Variants in LRP1B observed in about 807,000 individuals in gnomAD.
LRP1B encodes the protein LDL receptor related protein 1B, also known as low-density lipoprotein receptor-related protein 1B.
In LRP1B, 217 loss-of-function variants were observed where a neutral mutation model predicts 556.6. That is an observed-to-expected ratio of 0.39 (90% confidence interval 0.35 to 0.44). The LOEUF is 0.44. Ranked by LOEUF, LRP1B falls within the 20% of genes least tolerant of loss-of-function variation. LRP1B has a pLI of 1.00. For missense variants in LRP1B, 5,053 were observed against 5,620.8 expected (o/e 0.90, Z 3.23); for synonymous variants, 2,047 against 1,865.8 (o/e 1.10, Z -2.50).
At chr2:140,384,314 C>T (rs1683666436) in intron 67 of LRP1B, among the ~76,000 whole-genome samples, 1 of 152,106 alleles carries the variant, frequency 6.6e-6, no homozygotes, top group Admixed American at 6.6e-5. Flanking sequence ...CATAAATAAG[C>T]AGAAAGTATA....
intron 3 of LRP1B, among the ~76,000 whole-genome samples, chr2:141,434,063 G>C (rs1451547109): frequency 6.6e-6 from 1 of 151,300 alleles, no homozygotes. Flanking sequence ...CTGTATGTCT[G>C]AGTGTGGTTC....
chr2:141,012,451 G>T (rs1404927604), intron 14 of LRP1B, among the ~76,000 whole-genome samples: 2 of 151,910 alleles, frequency 1.3e-5, no homozygotes, highest in East Asian at 3.9e-4. Flanking sequence ...GGGGTGCAGG[G>T]TTTATATGAA....
intron 11 of LRP1B, among the ~76,000 whole-genome samples, chr2:141,025,935 C>T (rs1043475998): frequency 1.3e-5 from 2 of 151,902 alleles, no homozygotes; most frequent in African/African-American, 2.4e-5. Flanking sequence ...ATTAAAGAAG[C>T]CCTAGAGATA....
intron 3 of LRP1B, among the ~76,000 whole-genome samples, chr2:141,471,608 C>T (rs906484867): frequency 3.9e-5 from 6 of 152,174 alleles, no homozygotes; most frequent in Admixed American, 2.6e-4. Context: ...TATCTTCTTG[C>T]ATCTTCTCAT....
chr2:142,108,216 A>G (rs1410345365), intron 1 of LRP1B, among the ~76,000 whole-genome samples: 5 of 151,962 alleles, frequency 3.3e-5, no homozygotes, highest in Non-Finnish European at 5.9e-5. Context: ...CATAAATAAT[A>G]AAGCAGACAT....
At chr2:141,712,966 C>T (rs1336627247) in intron 2 of LRP1B, among the ~76,000 whole-genome samples, 3 of 151,456 alleles carry the variant, frequency 2.0e-5, no homozygotes, top group Admixed American at 6.6e-5. Context: ...GTGTGAGCCA[C>T]GACGTCCAGC....
At chr2:140,496,359 C>A (rs1467507130) in intron 55 of LRP1B, among the ~76,000 whole-genome samples, 2 of 152,026 alleles carry the variant, frequency 1.3e-5, no homozygotes, top group Non-Finnish European at 2.9e-5. Context: ...AGTAGGAGAT[C>A]TTGTACACAC....
In LRP1B at chr2:140,627,501, ACT is replaced by A. The variant is rs1683707031; in HGVS notation, c.6800-25864_6800-25863del. On this transcript the variant is annotated intron_variant, in intron 41 of 90. Coordinates refer to ENST00000389484, the MANE Select transcript of LRP1B (RefSeq NM_018557.3). ...GACCTACACCAGTGGTTTGCCAGGG[ACT>A]CTCAGACCTTCAGCCACAGACTAAG... Among the ~76,000 whole-genome samples, 4 of 152,130 alleles carry A rather than the reference ACT, an allele frequency of 2.6e-5. No individual in the cohort carries two copies. The South Asian group carries it at 8.3e-4, about 32-fold the overall frequency.
chr2:141,956,775 T>C (rs576177222), intron 1 of LRP1B, among the ~76,000 whole-genome samples: 11 of 152,156 alleles, frequency 7.2e-5, no homozygotes, highest in African/African-American at 1.9e-4. Flanking sequence ...GGATAAAACA[T>C]AGATAAATAT....
intron 2 of LRP1B, among the ~76,000 whole-genome samples, chr2:141,503,855 A>G (rs1024805886): frequency 6.6e-6 from 1 of 152,176 alleles, no homozygotes; most frequent in African/African-American, 2.4e-5. Flanking sequence ...AAAACTTTGA[A>G]AAGAGAAACA....
intron 84 of LRP1B, among the ~76,000 whole-genome samples, chr2:140,293,823 A>T (rs1349411587): frequency 1.3e-5 from 2 of 151,840 alleles, no homozygotes; most frequent in Non-Finnish European, 2.9e-5. Context: ...TTGATCAACA[A>T]CTCCTGGGGT....
chr2:140,400,957 G>A (rs1414355846), intron 66 of LRP1B, among the ~76,000 whole-genome samples: 2 of 152,188 alleles, frequency 1.3e-5, no homozygotes, highest in Non-Finnish European at 2.9e-5. Flanking sequence ...GCAGTGGGAA[G>A]TGCCTTGGCG....
chr2:140,306,190 C>G (rs1306794870), intron 83 of LRP1B, among the ~76,000 whole-genome samples: 1 of 151,232 alleles, frequency 6.6e-6, no homozygotes, highest in Admixed American at 6.6e-5. Context: ...GGAGGATTCC[C>G]TCTTTTTCTA....
At chr2:140,615,468 C>T (rs67640920) in intron 41 of LRP1B, among the ~76,000 whole-genome samples, 30,781 of 152,008 alleles carry the variant, frequency 0.2, 3,292 homozygotes, top group East Asian at 0.29. Flanking sequence ...ACTGCAATAC[C>T]GCTATCTCAG....
Position 141,150,353 on chromosome 2 carries a change from G to A in LRP1B, c.1013+38068C>T, listed in dbSNP as rs559050226. 3.2e-4 allele frequency among the ~76,000 whole-genome samples: 49 copies of A among 152,266 alleles called. No individual in the cohort carries two copies. The East Asian group carries it at 9.3e-3, about 29-fold the overall frequency. ...AATAACTATATTTCAGCAGGAAAAAGAAATCTGAGCAGGTTTCTGCTGTAT... is the reference window on the plus strand; with the variant it reads ...AATAACTATATTTCAGCAGGAAAAAAAAATCTGAGCAGGTTTCTGCTGTAT... On this transcript the variant is annotated intron_variant, in intron 7 of 90. Transcript: ENST00000389484.
intron 7 of LRP1B, among the ~76,000 whole-genome samples, chr2:141,153,411 TTAGCTA>T (rs1701981395): frequency 3.5e-5 from 4 of 113,728 alleles, no homozygotes; most frequent in African/African-American, 6.8e-5. Flanking sequence ...ATATTATATA[TTAGCTA>T]TATATATTTA....
chr2:141,030,168 G>A (rs1573998200), intron 11 of LRP1B, among the ~76,000 whole-genome samples: 1 of 152,018 alleles, frequency 6.6e-6, no homozygotes, highest in East Asian at 1.9e-4. Context: ...TGTTTCTGTG[G>A]CTAGTACAGT....
intron 20 of LRP1B, among the ~76,000 whole-genome samples, chr2:140,937,678 T>G (rs1031584485): frequency 2.0e-5 from 3 of 152,068 alleles, no homozygotes; most frequent in Non-Finnish European, 4.4e-5. Context: ...AGTCAGTATT[T>G]GTATTTATGT....
intron 35 of LRP1B, among the ~76,000 whole-genome samples, chr2:140,719,866 A>AT (rs898067766): frequency 2.6e-5 from 4 of 152,140 alleles, no homozygotes; most frequent in Admixed American, 2.0e-4. Flanking sequence ...TTCCTTATCA[A>AT]TTTTTTCACA....
Sources: gnomAD v4.1 joint callset for allele counts (sites outside exome capture counted in the v4.1 genomes callset) on GRCh38, gnomAD v4.1.1 for gene constraint, MANE v1.5 for transcripts, NCBI Gene and HGNC (gene_info 2026-07-23, HGNC 2026-07-21) for gene names.